Variants in MAPK4 observed in about 807,000 individuals in gnomAD.
MAPK4 encodes the protein mitogen-activated protein kinase 4.
A neutral mutation model predicts 47.7 loss-of-function variants in MAPK4; 22 were observed. That is an observed-to-expected ratio of 0.46 (90% CI 0.33 to 0.66). MAPK4 has a LOEUF of 0.66. MAPK4 is among the 30% of genes least tolerant of loss of function. The pLI is 0.02. For synonymous variants in MAPK4, 390 were observed against 365.7 expected, an observed-to-expected ratio of 1.07 and a Z score of -0.76; for missense variants, 736 against 831.7, an observed-to-expected ratio of 0.88 and a Z score of 1.42.
intron 1 of MAPK4, among the ~76,000 whole-genome samples, chr18:50,618,511 A>G (rs1011240130): frequency 2.6e-5 from 4 of 152,232 alleles, no homozygotes; most frequent in South Asian, 2.1e-4. Flanking sequence ...AAATGTATAT[A>G]TAAAATCTGG....
chr18:50,714,083 C>T (rs1433693334), intron 2 of MAPK4, among the ~76,000 whole-genome samples: 1 of 152,202 alleles, frequency 6.6e-6, no homozygotes, highest in African/African-American at 2.4e-5. Flanking sequence ...GACTGTGATA[C>T]TTCTGCATCA....
chr18:50,716,831 T>C (rs1006608327), intron 3 of MAPK4, among the ~76,000 whole-genome samples: 1 of 152,150 alleles, frequency 6.6e-6, no homozygotes. Context: ...CTCAGCTCTG[T>C]TGAGTTGAGG....
At chr18:50,725,479 AG>A (rs1237543212) in intron 4 of MAPK4, among the ~76,000 whole-genome samples, 1 of 152,226 alleles carries the variant, frequency 6.6e-6, no homozygotes, top group Non-Finnish European at 1.5e-5. Flanking sequence ...GACAAAGGGA[AG>A]TTGGTATATA....
At chr18:50,703,384 A>G (rs142309854) in intron 2 of MAPK4, among the ~76,000 whole-genome samples, 198 of 152,302 alleles carry the variant, frequency 1.3e-3, no homozygotes, top group Non-Finnish European at 2.2e-3. Context: ...AGTAGCTGGC[A>G]TTTCTAATGG....
At chr18:50,719,310 C>T (rs912648825) in intron 3 of MAPK4, among the ~76,000 whole-genome samples, 3 of 151,544 alleles carry the variant, frequency 2.0e-5, no homozygotes, top group African/African-American at 7.3e-5. Flanking sequence ...TCTCTGTCCT[C>T]AAAGGTCTGA....
At chr18:50,643,996 T>C (rs1180899522) in intron 1 of MAPK4, among the ~76,000 whole-genome samples, 1 of 152,044 alleles carries the variant, frequency 6.6e-6, no homozygotes, top group Non-Finnish European at 1.5e-5. Context: ...CTATCAACTT[T>C]AATGCCCTCT....
chr18:50,621,283 T>C (rs1009597015), intron 1 of MAPK4, among the ~76,000 whole-genome samples: 1 of 151,600 alleles, frequency 6.6e-6, no homozygotes, highest in Non-Finnish European at 1.5e-5. Flanking sequence ...TTCATCCCCA[T>C]GAAGAAGGGA....
At chr18:50,654,428 G>T (rs2043085281) in intron 1 of MAPK4, among the ~76,000 whole-genome samples, 1 of 152,196 alleles carries the variant, frequency 6.6e-6, no homozygotes, top group South Asian at 2.1e-4. Flanking sequence ...GATCCGGCTG[G>T]GATCACTTCC....
At chr18:50,599,537 G>A (rs1266715850) in intron 1 of MAPK4, among the ~76,000 whole-genome samples, 3 of 152,104 alleles carry the variant, frequency 2.0e-5, no homozygotes, top group East Asian at 1.9e-4. Context: ...TCGTGCCTCA[G>A]CCTCCTAATA....
At chr18:50,677,440 A>G (rs1448067904) in intron 2 of MAPK4, among the ~76,000 whole-genome samples, 1 of 152,206 alleles carries the variant, frequency 6.6e-6, no homozygotes, top group Non-Finnish European at 1.5e-5. Context: ...AACCTGGATT[A>G]TTCGGTTACT....
At position 50,726,172 on chromosome 18, in the gene MAPK4, C is replaced by A. The variant is rs1343755237; in HGVS notation, c.1064C>A (p.Ser355Tyr). 1.2e-6 allele frequency: 2 copies of A among 1,613,730 alleles called. No individual in the cohort carries two copies. The highest frequency in any genetic ancestry group is 2.7e-5 in the African/African-American group (2 of 74,922). Residue 355 changes from serine to tyrosine, a missense_variant, in exon 5 of 6, where the codon TCC (serine) becomes TAC (tyrosine). By Grantham distance (144) the Ser-to-Tyr change is moderately radical. This residue lies in a region of MAPK4 where 377 missense variants were observed against 378.6 expected (regional missense o/e 1.00). Coordinates refer to ENST00000400384, the MANE Select transcript of MAPK4 (RefSeq NM_002747.4). ...SQLSNWDTCS[S>Y]RYPVSLSSDL... ...CTGTCCAACTGGGACACGTGCAGTT[C>A]CAGGTGCTCGCAGCCCTGGGTTCCA...
At chr18:50,624,615 A>C (rs2042760275) in intron 1 of MAPK4, among the ~76,000 whole-genome samples, 1 of 152,238 alleles carries the variant, frequency 6.6e-6, no homozygotes, top group African/African-American at 2.4e-5. Context: ...CCTGGATGTT[A>C]GGGTTATTCC....
intron 1 of MAPK4, among the ~76,000 whole-genome samples, chr18:50,578,269 T>G (rs2042315230): frequency 6.6e-6 from 1 of 152,236 alleles, no homozygotes; most frequent in Non-Finnish European, 1.5e-5. Flanking sequence ...TTGAATGGAA[T>G]CTGAGCCGCT....
At chr18:50,706,552 C>T (rs1283393354) in intron 2 of MAPK4, among the ~76,000 whole-genome samples, 1 of 152,012 alleles carries the variant, frequency 6.6e-6, no homozygotes, top group African/African-American at 2.4e-5. Flanking sequence ...CCTTGAAAGC[C>T]AGCGTGACAG....
At chr18:50,717,010 C>T (rs935235648) in intron 3 of MAPK4, among the ~76,000 whole-genome samples, 9 of 152,206 alleles carry the variant, frequency 5.9e-5, no homozygotes, top group Admixed American at 2.6e-4. Flanking sequence ...TCTCATCTCC[C>T]ATCATCCCCC....
chr18:50,586,325 C>G (rs2042387556), intron 1 of MAPK4, among the ~76,000 whole-genome samples: 1 of 151,920 alleles, frequency 6.6e-6, no homozygotes, highest in Non-Finnish European at 1.5e-5. Flanking sequence ...ACAAAGTATT[C>G]TGAAAGAGAC....
chr18:50,719,370 C>A (rs1910809513), intron 3 of MAPK4, among the ~76,000 whole-genome samples: 1 of 152,020 alleles, frequency 6.6e-6, no homozygotes, highest in African/African-American at 2.4e-5. Context: ...AAAAAAAATA[C>A]ACAGTGAACC....
intron 1 of MAPK4, among the ~76,000 whole-genome samples, chr18:50,655,033 T>C (rs1282687882): frequency 6.6e-6 from 1 of 152,184 alleles, no homozygotes; most frequent in Non-Finnish European, 1.5e-5. Context: ...CTCAATTCTT[T>C]CCTCTAACCA....
At chr18:50,723,862 C>G (rs1911056953) in intron 4 of MAPK4, among the ~76,000 whole-genome samples, 1 of 80,328 alleles carries the variant, frequency 1.2e-5, no homozygotes, top group African/African-American at 5.2e-5. Flanking sequence ...GAGACCCTGT[C>G]TCAAAAAAAA....
Sources: allele counts gnomAD v4.1 joint callset (sites outside exome capture counted in the v4.1 genomes callset), GRCh38; gene constraint gnomAD v4.1.1; regional missense constraint gnomAD v4.1.1; transcripts MANE v1.5; gene names NCBI Gene and HGNC (gene_info 2026-07-23, HGNC 2026-07-21).